Variants in SCAP observed in about 807,000 individuals in gnomAD.
The protein encoded by SCAP is sterol regulatory element-binding protein cleavage-activating protein.
SCAP carries 65 observed loss-of-function variants against 123.6 expected under a neutral mutation model. The observed-to-expected ratio is 0.53, with a 90% confidence interval of 0.43 to 0.65. SCAP has a LOEUF of 0.65. Ranked by LOEUF, SCAP falls within the 30% of genes least tolerant of loss-of-function variation. SCAP has a pLI of 0.00. For missense variants in SCAP, 1,398 were observed against 1,712.5 expected (o/e 0.82, Z 3.24); for synonymous variants, 740 against 726.3 (o/e 1.02, Z -0.30).
chr3:47,444,186 A>C (rs1706934891), intron 1 of SCAP, among the ~76,000 whole-genome samples: 1 of 152,202 alleles, frequency 6.6e-6, no homozygotes, highest in Non-Finnish European at 1.5e-5. Context: ...TATCTTCCCT[A>C]CTGAGCCCTC....
chr3:47,447,351 C>T (rs1707082469), intron 1 of SCAP, among the ~76,000 whole-genome samples: 1 of 151,802 alleles, frequency 6.6e-6, no homozygotes, highest in South Asian at 2.1e-4. Flanking sequence ...CAAGATCACG[C>T]CACTGCACTC....
intron 1 of SCAP, among the ~76,000 whole-genome samples, chr3:47,448,585 T>C (rs1401381564): frequency 4.6e-5 from 7 of 152,066 alleles, no homozygotes; most frequent in Non-Finnish European, 1.0e-4. Flanking sequence ...CGATCTCTGT[T>C]GGTCAGACTG....
intron 1 of SCAP, among the ~76,000 whole-genome samples, chr3:47,443,520 C>T (rs1331683362): frequency 2.0e-5 from 3 of 152,058 alleles, no homozygotes; most frequent in African/African-American, 7.2e-5. Context: ...TACAGAGAAA[C>T]CCTTTACATA....
chr3:47,418,693 T>A lies in SCAP; in HGVS notation c.2091A>T (p.Pro697=), dbSNP rs369991877. The A allele has an allele frequency of 6.6e-5, 90 of 1,360,248 alleles. No individual in the cohort carries two copies. The highest frequency in any genetic ancestry group is 8.2e-5 in the Non-Finnish European group (85 of 1,032,780). 84.3% of individuals were successfully genotyped at this position (1,360,248 alleles called of 1,614,324 possible). The change falls in exon 14 of 23, where the codon CCA becomes CCT. Residue 697 remains proline (P), a synonymous_variant. Transcript: ENST00000265565. ...AGHWEAGPKG[P]GGVQAHGDVT... is the part of the protein sequence containing the mutation. ...CGTCTCCATGGGCCTGCACCCCACCTGGGCCCTTGGGTCCTGCTTCCCAGT... is the reference window on the plus strand; with the variant it reads ...CGTCTCCATGGGCCTGCACCCCACCAGGGCCCTTGGGTCCTGCTTCCCAGT...
Position 47,419,609 on chromosome 3 carries a change from C to A in SCAP, c.1659G>T (p.Leu553Phe). 6.2e-7 allele frequency: 1 copy of A among 1,602,196 alleles called. No homozygotes were observed. The change falls in exon 13 of 23, where the codon TTG (leucine) becomes TTT (phenylalanine). Residue 553 changes from leucine (L) to phenylalanine (F), a missense_variant. By Grantham distance (22) the Leu-to-Phe change is conservative (BLOSUM62 0). Around this residue, in one of 7 missense-constraint regions of SCAP, gnomAD observed 828 missense variants for 882.5 expected, o/e 0.94. Coordinates refer to ENST00000265565, the MANE Select transcript of SCAP (RefSeq NM_012235.4). The surrounding 1 kb of genome is among the most constrained non-coding windows in gnomAD (Gnocchi z 5.0). ...LAAQVTEQSP[L>F]GEGALAPMPV... ...GCATGGGAGCCAGGGCTCCCTCACC[C>A]AATGGGCTCTGTTCCGTCACCTGGG... is the stretch of plus-strand genomic sequence containing the variant.
At chr3:47,474,152 C>A (rs1444293635) in intron 1 of SCAP, among the ~76,000 whole-genome samples, 1 of 151,994 alleles carries the variant, frequency 6.6e-6, no homozygotes, top group Non-Finnish European at 1.5e-5. Context: ...GTAGTCCCAG[C>A]TACTTGGGAG....
At chr3:47,454,529 C>G (rs1035123590) in intron 1 of SCAP, among the ~76,000 whole-genome samples, 1 of 151,602 alleles carries the variant, frequency 6.6e-6, no homozygotes, top group South Asian at 2.1e-4. Flanking sequence ...GAGTTCGAGA[C>G]CAGCCTGGCC....
chr3:47,421,259 AG>A, intron 10 of SCAP: 1 of 554,336 alleles, frequency 1.8e-6, no homozygotes, highest in Non-Finnish European at 3.3e-6. Context: ...AAGGGCTGAA[AG>A]GGAAGGGGAA....
At chr3:47,465,841 C>CAAA (rs79594451) in intron 1 of SCAP, among the ~76,000 whole-genome samples, 1 of 146,356 alleles carries the variant, frequency 6.8e-6, no homozygotes, top group Non-Finnish European at 1.5e-5. Flanking sequence ...TTTAAAAAAA[C>CAAA]AAAAAAAAAA....
At chr3:47,461,830 T>C (rs1343291486) in intron 1 of SCAP, among the ~76,000 whole-genome samples, 1 of 152,168 alleles carries the variant, frequency 6.6e-6, no homozygotes, top group Non-Finnish European at 1.5e-5. Flanking sequence ...GGTCAGGAGT[T>C]TGAGACCAGC....
chr3:47,456,491 T>A (rs1233521628), intron 1 of SCAP, among the ~76,000 whole-genome samples: 1 of 151,904 alleles, frequency 6.6e-6, no homozygotes, highest in Non-Finnish European at 1.5e-5. Context: ...TTAGGCCAGG[T>A]GCAGTGGCTC....
chr3:47,458,672 A>T (rs1707518280), intron 1 of SCAP, among the ~76,000 whole-genome samples: 1 of 152,246 alleles, frequency 6.6e-6, no homozygotes, highest in South Asian at 2.1e-4. Flanking sequence ...CCCTCTTTAC[A>T]ATAGAACACC....
intron 10 of SCAP, 38 bp downstream of exon 10, chr3:47,422,404 T>C: frequency 6.3e-7 from 1 of 1,579,208 alleles, no homozygotes; most frequent in Non-Finnish European, 8.7e-7. Flanking sequence ...CAGCAGTTGC[T>C]TCCATGCTCA....
In SCAP at chr3:47,414,002, T is replaced by A. The variant is rs1187212020; in HGVS notation, c.3692A>T (p.Asp1231Val). The A allele has an allele frequency of 1.2e-6, 2 of 1,613,022 alleles. No homozygotes were observed. The highest frequency in any genetic ancestry group is 1.7e-6 in the Non-Finnish European group (2 of 1,180,002). Residue 1231 changes from aspartate (D) to valine (V), a missense_variant, in exon 23 of 23, where the codon GAC becomes GTC. Asp to Val is a radical substitution (Grantham distance 152). Coordinates refer to ENST00000265565, the MANE Select transcript of SCAP (RefSeq NM_012235.4). ...CCCCAGGTAGACTGTCTGTAACAGG[T>A]CCCCGTAGTTTAGGTCCCAAAAGGA... ...CVSFWDLNYG[D>V]LLQTVYLGKN...
At chr3:47,414,520 C>T (rs1705472752) in intron 21 of SCAP, 52 bp downstream of exon 21, 1 of 1,608,900 alleles carries the variant, frequency 6.2e-7, no homozygotes, top group South Asian at 1.1e-5. Context: ...CAGGAGTCAG[C>T]AAACATGGGC....
At chr3:47,452,220 G>A (rs1020951744) in intron 1 of SCAP, among the ~76,000 whole-genome samples, 4 of 151,988 alleles carry the variant, frequency 2.6e-5, no homozygotes, top group Non-Finnish European at 5.9e-5. Context: ...TGTTCTTCAG[G>A]GTCTTTAATA....
intron 2 of SCAP, among the ~76,000 whole-genome samples, chr3:47,437,123 G>A (rs561885268): frequency 6.6e-6 from 1 of 152,272 alleles, no homozygotes; most frequent in African/African-American, 2.4e-5. Context: ...GGAACATTTG[G>A]CTGTTTCTGG....
In SCAP at chr3:47,427,532, CCAGT is replaced by C; in HGVS notation, c.542_545del (p.Asp181GlyfsTer42). 6.2e-7 allele frequency: 1 copy of C among 1,614,162 alleles called. No individual in the cohort carries two copies. Among genetic ancestry groups the C allele is most frequent in the Non-Finnish European group, 8.5e-7 (1 of 1,180,026 alleles). On this transcript the variant is annotated frameshift_variant, in exon 5 of 23. Transcript: ENST00000265565. LOFTEE classifies it high-confidence loss of function. ...TGTCAGGATCAGCATGGAAGCGTTCCCAGTCATTCTGCCAGAAGTTCCCAGGGGA... is the reference window on the plus strand; with the variant it reads ...TGTCAGGATCAGCATGGAAGCGTTCCCATTCTGCCAGAAGTTCCCAGGGGA...
intron 3 of SCAP, among the ~76,000 whole-genome samples, chr3:47,434,085 T>G (rs530265197): frequency 6.6e-6 from 1 of 152,300 alleles, no homozygotes; most frequent in Admixed American, 6.5e-5. Flanking sequence ...ACACCATGTA[T>G]AGTTGTGCCA....
Sources: allele counts gnomAD v4.1 joint callset (sites outside exome capture counted in the v4.1 genomes callset), GRCh38; gene constraint gnomAD v4.1.1; regional missense constraint gnomAD v4.1.1; non-coding constraint Gnocchi (gnomAD v3.1); transcripts MANE v1.5; gene names NCBI Gene and HGNC (gene_info 2026-07-23, HGNC 2026-07-21).